The following POTEE variants were observed in gnomAD, a reference collection of about 807,000 sequenced individuals.
POTEE encodes the protein POTE ankyrin domain family member E, also known as ANKRD26-like family C member 1A.
Under a neutral mutation model 74.2 loss-of-function variants are expected in POTEE, and 21 were observed. The ratio of observed to expected loss-of-function variants is 0.28; its 90% CI spans 0.20 to 0.41. The LOEUF is 0.41. Ranked by LOEUF, POTEE falls within the 10% of genes least tolerant of loss-of-function variation. The pLI, the probability that POTEE is intolerant of heterozygous loss-of-function variation, is 1.00. For synonymous variants in POTEE, 211 were observed against 432.8 expected, an observed-to-expected ratio of 0.49 and a Z score of 6.36; for missense variants, 525 against 1,158.6, an observed-to-expected ratio of 0.45 and a Z score of 7.94.
intron 17 of POTEE, among the ~76,000 whole-genome samples, chr2:131,262,639 C>G (rs1355243418): frequency 2.0e-5 from 3 of 149,916 alleles, no homozygotes; most frequent in Non-Finnish European, 3.0e-5. Flanking sequence ...ATCAGCAGAC[C>G]TGGGGAAAAT....
intron 9 of POTEE, among the ~76,000 whole-genome samples, chr2:131,235,684 C>T (rs1183239212): frequency 6.7e-6 from 1 of 148,526 alleles, no homozygotes; most frequent in African/African-American, 2.5e-5. Flanking sequence ...CCCAGCTTCT[C>T]CGGAGACTGA....
Position 131,218,841 on chromosome 2 carries a change from G to C in POTEE, c.439G>C (p.Ala147Pro). Reference protein sequence around the residue: ...GEDLDKLHRAAWWGKVPRKDL... With the variant: ...GEDLDKLHRAPWWGKVPRKDL... ...AGATCTGGACAAGCTCCACAGAGCT[G>C]CCTGGTGGGGTAAAGTCCCCAGAAA... The change falls in exon 4 of 18, where the codon GCC becomes CCC. Residue 147 changes from alanine (A) to proline (P), a missense_variant. Ala to Pro is a conservative substitution (Grantham distance 27). Coordinates refer to ENST00000683005, the MANE Select transcript of POTEE (RefSeq NM_001083538.3). 1 of 1,612,526 alleles carries C rather than the reference G, an allele frequency of 6.2e-7. No homozygotes were observed.
At chr2:131,225,567 CTTTT>C (rs376693812) in intron 6 of POTEE, among the ~76,000 whole-genome samples, 1 of 120,194 alleles carries the variant, frequency 8.3e-6, no homozygotes, top group African/African-American at 3.0e-5. Context: ...ATTAATCTGA[CTTTT>C]TTTTTTTTTT....
rs1232040158 is a variant in POTEE at position 131,253,241 on chromosome 2, GCAAA to G, written c.1778+146_1778+149del. On this transcript the variant is annotated intron_variant, in intron 16 of 17. Coordinates refer to ENST00000683005, the MANE Select transcript of POTEE (RefSeq NM_001083538.3). ...CTGTTAATCAGAAAAATGAAAATCAGCAAACAATCAGTTACCGTTTTTTTTCCAG... is the reference window on the plus strand; with the variant it reads ...CTGTTAATCAGAAAAATGAAAATCAGCAATCAGTTACCGTTTTTTTTCCAG... 3.4e-3 allele frequency: 2,584 copies of G among 757,898 alleles called. 4 individuals carry two copies. The highest frequency in any genetic ancestry group is 7.0e-3 in the Middle Eastern group (18 of 2,556). The allele number at this position is 757,898 out of a possible 1,614,324, so 46.9% of individuals were successfully genotyped here.
intron 1 of POTEE, among the ~76,000 whole-genome samples, chr2:131,210,480 T>A (rs1700334653): frequency 6.6e-6 from 1 of 150,972 alleles, no homozygotes; most frequent in Admixed American, 6.6e-5. Flanking sequence ...GCTGCAGAGG[T>A]GGTGGGGACA....
At chr2:131,226,759 A>C (rs1700791818) in intron 6 of POTEE, 64 bp from the exon 7 acceptor site, 1 of 1,607,038 alleles carries the variant, frequency 6.2e-7, no homozygotes. Flanking sequence ...TAAAGTTTCC[A>C]CTTTGGTTGA....
intron 6 of POTEE, among the ~76,000 whole-genome samples, chr2:131,224,711 G>A (rs558157933): frequency 2.0e-5 from 3 of 151,466 alleles, no homozygotes; most frequent in African/African-American, 7.3e-5. Context: ...TTCAGTTTGG[G>A]AGAGGGAGTT....
At chr2:131,225,042 T>G (rs542049918) in intron 6 of POTEE, among the ~76,000 whole-genome samples, 130 of 152,254 alleles carry the variant, frequency 8.5e-4, no homozygotes, top group African/African-American at 3.0e-3. Flanking sequence ...TACTCCTTAC[T>G]CTTTTTGGCC....
intron 8 of POTEE, among the ~76,000 whole-genome samples, chr2:131,230,189 A>T (rs1383422581): frequency 6.6e-6 from 1 of 152,188 alleles, no homozygotes. Flanking sequence ...AAATTTAGTT[A>T]CAAACTATGA....
chr2:131,215,272 T>C (rs1448051201), intron 2 of POTEE, among the ~76,000 whole-genome samples: 1 of 152,168 alleles, frequency 6.6e-6, no homozygotes, highest in Non-Finnish European at 1.5e-5. Flanking sequence ...TAAATATAAT[T>C]ATGAGATATT....
At chr2:131,212,948 G>A (rs559901086) in intron 2 of POTEE, among the ~76,000 whole-genome samples, 28 of 150,168 alleles carry the variant, frequency 1.9e-4, no homozygotes, top group African/African-American at 6.0e-4. Flanking sequence ...AAAGGAAGTC[G>A]GGAGAATTGT....
chr2:131,264,762 CTTTA>C lies in POTEE; in HGVS notation c.*83_*86del, dbSNP rs879030485. On this transcript the variant is annotated 3_prime_UTR_variant, in exon 18 of 18. Transcript: ENST00000683005. ...AGAAAACAACATGAGATTGGCATGGCTTTATTTGTTTTCTTGTTTCATTTTTTGT... is the reference window on the plus strand; with the variant it reads ...AGAAAACAACATGAGATTGGCATGGCTTTGTTTTCTTGTTTCATTTTTTGT... 5,949 of 580,344 alleles carry C rather than the reference CTTTA, an allele frequency of 0.01. 167 individuals are homozygous for C. The highest frequency in any genetic ancestry group is 0.1 in the African/African-American group (4,894 of 47,856). The allele number at this position is 580,344 out of a possible 1,614,324, so 35.9% of individuals were successfully genotyped here.
chr2:131,211,591 T>G (rs1347423735), intron 2 of POTEE, among the ~76,000 whole-genome samples: 1 of 143,072 alleles, frequency 7.0e-6, no homozygotes, highest in African/African-American at 2.6e-5. Context: ...CTCGCTCTTT[T>G]GCCCAGGCTG....
Position 131,263,968 on chromosome 2 carries a change from C to A in POTEE, c.2513C>A (p.Ala838Asp). 6.2e-7 allele frequency: 1 copy of A among 1,614,214 alleles called. No individual in the cohort carries two copies. Residue 838 changes from alanine (A) to aspartate (D), a missense_variant, in exon 18 of 18, where the codon GCC (alanine) becomes GAC (aspartate). By Grantham distance (126) the Ala-to-Asp change is moderately radical. Transcript: ENST00000683005. ...CCAGCCATGTACGTGGCCATCCAGG[C>A]CGTGCCGTCCCTGTACACCTCTGGC... Reference protein sequence around the residue: ...NTPAMYVAIQAVPSLYTSGRT... With the variant: ...NTPAMYVAIQDVPSLYTSGRT...
chr2:131,215,833 A>G (rs1354840431), intron 2 of POTEE, among the ~76,000 whole-genome samples: 1 of 136,170 alleles, frequency 7.3e-6, no homozygotes, highest in East Asian at 2.0e-4. Context: ...GATGGATTTG[A>G]TGTCAAATTA....
intron 1 of POTEE, among the ~76,000 whole-genome samples, chr2:131,210,023 A>G (rs1182452745): frequency 7.9e-4 from 20 of 25,272 alleles, no homozygotes; most frequent in East Asian, 1.2e-3. Flanking sequence ...GGTGGGGGGG[A>G]GGCAGGTTGT....
At position 131,263,363 on chromosome 2, in the gene POTEE, T is replaced by C. The variant is rs1488254476; in HGVS notation, c.1908T>C (p.Leu636=). ...VVEKMNSELS[L]SCKKEKDVLH... ...TCTCTTTGTTTACTTAGCTTTCTCT[T>C]AGTTGTAAGAAAGAAAAAGACGTCT... Residue 636 remains leucine (L), a synonymous_variant, in exon 18 of 18, where the codon CTT becomes CTC. Transcript: ENST00000683005. The C allele has an allele frequency of 2.5e-6, 4 of 1,611,080 alleles. No individual in the cohort carries two copies. Among genetic ancestry groups the C allele is most frequent in the Non-Finnish European group, 3.4e-6 (4 of 1,179,624 alleles).
chr2:131,262,707 T>C (rs537957968), intron 17 of POTEE, among the ~76,000 whole-genome samples: 28 of 152,260 alleles, frequency 1.8e-4, no homozygotes, highest in African/African-American at 6.0e-4. Flanking sequence ...CTTAAATGAG[T>C]TCAGTATTAT....
intron 4 of POTEE, among the ~76,000 whole-genome samples, chr2:131,219,419 T>G (rs1464721828): frequency 1.3e-5 from 2 of 151,448 alleles, no homozygotes; most frequent in Non-Finnish European, 2.9e-5. Context: ...TTCCTGTGCT[T>G]GAACAGGAAG....
Sources: allele counts gnomAD v4.1 joint callset (sites outside exome capture counted in the v4.1 genomes callset), GRCh38; gene constraint gnomAD v4.1.1; transcripts MANE v1.5; gene names NCBI Gene and HGNC (gene_info 2026-07-23, HGNC 2026-07-21).